DLC1: variants seen among roughly 807,000 people sequenced by gnomAD.
DLC1 encodes the protein DLC1 Rho GTPase activating protein, also known as rho GTPase-activating protein 7.
In DLC1, 54 loss-of-function variants were observed where a neutral mutation model predicts 140.3. That is an observed-to-expected ratio of 0.38 (90% confidence interval 0.31 to 0.48). DLC1 has a LOEUF of 0.48. Ranked by LOEUF, DLC1 falls within the 20% of genes least tolerant of loss-of-function variation. The probability of loss-of-function intolerance (pLI) is 0.96; values close to 1 mark genes in which losing one functional copy is unlikely to be tolerated. For synonymous variants in DLC1, 986 were observed against 728.1 expected, an observed-to-expected ratio of 1.35 and a Z score of -5.70; for missense variants, 2,536 against 1,907.0, an observed-to-expected ratio of 1.33 and a Z score of -6.14.
At position 13,552,757 on chromosome 8, in the gene DLC1, A is replaced by G. The variant is rs1202370679; in HGVS notation, c.-126+51780T>C. Among the ~76,000 whole-genome samples, 6 of 151,850 alleles carry G rather than the reference A, an allele frequency of 4.0e-5. No individual in the cohort carries two copies. In the East Asian group the frequency reaches 1.2e-3, roughly 29 times the overall value. On this transcript the variant is annotated intron_variant, in intron 1 of 1. Transcript: ENST00000631382. ...TTTAAATGCAAGAAAATGAGACTGAACTTTGTATTTTTTTATTTTTTGAAA... is the reference window on the plus strand; with the variant it reads ...TTTAAATGCAAGAAAATGAGACTGAGCTTTGTATTTTTTTATTTTTTGAAA...
intron 1 of DLC1, among the ~76,000 whole-genome samples, chr8:13,504,121 A>ATTTTT (rs370240794): frequency 0.057 from 7,180 of 126,236 alleles, 515 homozygotes; most frequent in East Asian, 0.33. Flanking sequence ...ATTTCAGAGA[A>ATTTTT]TTTTTTTTTT....
intron 1 of DLC1, chr8:13,567,336 A>T (rs1804480652): frequency 1.3e-6 from 2 of 1,551,766 alleles, no homozygotes; most frequent in Non-Finnish European, 1.7e-6. Context: ...CTCGGGTATC[A>T]GATGAAGAAT....
chr8:13,286,885 G>A (rs1386694645), intron 5 of DLC1, among the ~76,000 whole-genome samples: 1 of 152,136 alleles, frequency 6.6e-6, no homozygotes, highest in Non-Finnish European at 1.5e-5. Context: ...TGATGTGTTT[G>A]CATGACTTGA....
intron 2 of DLC1, among the ~76,000 whole-genome samples, chr8:13,434,420 G>C (rs1467054300): frequency 6.6e-6 from 1 of 152,086 alleles, no homozygotes; most frequent in Non-Finnish European, 1.5e-5. Flanking sequence ...GTTTATTAGT[G>C]TTTTCTTTGG....
At chr8:13,308,524 A>G (rs1312299980) in intron 4 of DLC1, among the ~76,000 whole-genome samples, 2 of 152,168 alleles carry the variant, frequency 1.3e-5, no homozygotes, top group Admixed American at 1.3e-4. Flanking sequence ...TTTTCCAGAG[A>G]TGAATGGCAT....
At chr8:13,147,672 AT>A (rs932023007) in intron 5 of DLC1, among the ~76,000 whole-genome samples, 69 of 149,208 alleles carry the variant, frequency 4.6e-4, no homozygotes, top group African/African-American at 1.4e-3. Flanking sequence ...TATTATTATT[AT>A]TTTTTTTTTG....
chr8:13,582,876 G>GTATATA (rs1306419249), intron 1 of DLC1, among the ~76,000 whole-genome samples: 14 of 41,994 alleles, frequency 3.3e-4, no homozygotes, highest in African/African-American at 9.1e-4. Context: ...ATATACTGTG[G>GTATATA]TCTATATATA....
At chr8:13,325,180 G>A (rs1833287484) in intron 4 of DLC1, among the ~76,000 whole-genome samples, 1 of 152,200 alleles carries the variant, frequency 6.6e-6, no homozygotes, top group African/African-American at 2.4e-5. Flanking sequence ...AGAAATCTCA[G>A]AAGTTGGTCA....
chr8:13,271,930 C>T (rs1830948756), intron 5 of DLC1, among the ~76,000 whole-genome samples: 1 of 152,184 alleles, frequency 6.6e-6, no homozygotes, highest in Admixed American at 6.5e-5. Context: ...TCCTGCTGGG[C>T]TTCCAAATTG....
At chr8:13,347,336 T>A (rs1834390605) in intron 4 of DLC1, among the ~76,000 whole-genome samples, 1 of 152,224 alleles carries the variant, frequency 6.6e-6, no homozygotes. Flanking sequence ...TAAAGTTTTA[T>A]CTACATTTCT....
At chr8:13,305,238 G>T (rs374586032) in intron 5 of DLC1, 31 bp downstream of exon 5, 5 of 1,605,178 alleles carry the variant, frequency 3.1e-6, no homozygotes, top group Non-Finnish European at 4.3e-6. Flanking sequence ...AAATAGATTG[G>T]CGAGAAAACA....
chr8:13,488,621 G>T (rs1301840746), intron 2 of DLC1, among the ~76,000 whole-genome samples: 1 of 152,138 alleles, frequency 6.6e-6, no homozygotes, highest in Admixed American at 6.5e-5. Context: ...GCTGAGCGAA[G>T]ACTTTTCTGA....
At chr8:13,335,997 CTATT>C (rs1467950929) in intron 4 of DLC1, among the ~76,000 whole-genome samples, 2 of 151,848 alleles carry the variant, frequency 1.3e-5, no homozygotes, top group Non-Finnish European at 2.9e-5. Context: ...TATGAAGGTA[CTATT>C]TATTATATAT....
chr8:13,230,576 A>ATTTTTTCTTTTTTC (rs1231439924), intron 5 of DLC1, among the ~76,000 whole-genome samples: 9 of 147,282 alleles, frequency 6.1e-5, no homozygotes, highest in Non-Finnish European at 1.5e-5. Flanking sequence ...ATAGATATAG[A>ATTTTTTCTTTTTTC]TTTTTTCTTT....
intron 5 of DLC1, among the ~76,000 whole-genome samples, chr8:13,148,887 G>A (rs912769675): frequency 6.6e-6 from 1 of 152,074 alleles, no homozygotes; most frequent in Non-Finnish European, 1.5e-5. Flanking sequence ...CCGCCTCCCA[G>A]GTTCACACCA....
chr8:13,527,332 T>A (rs1387273131), intron 1 of DLC1, among the ~76,000 whole-genome samples: 1 of 152,180 alleles, frequency 6.6e-6, no homozygotes, highest in Non-Finnish European at 1.5e-5. Context: ...TCAATATGAT[T>A]TTTCTCTTTT....
At chr8:13,583,691 G>C (rs1037164006) in intron 1 of DLC1, among the ~76,000 whole-genome samples, 1 of 152,134 alleles carries the variant, frequency 6.6e-6, no homozygotes, top group Non-Finnish European at 1.5e-5. Context: ...ATTCTTTAGC[G>C]AAATATCGAT....
chr8:13,088,395 T>A, intron 16 of DLC1, 92 bp downstream of exon 16: 1 of 1,430,782 alleles, frequency 7.0e-7, no homozygotes, highest in East Asian at 2.4e-5. Flanking sequence ...CTACTTTAAA[T>A]AATTATACCA....
intron 5 of DLC1, among the ~76,000 whole-genome samples, chr8:13,120,479 T>A (rs2128954732): frequency 6.6e-6 from 1 of 151,550 alleles, no homozygotes; most frequent in African/African-American, 2.4e-5. Flanking sequence ...GACACGTTTA[T>A]CTACCCCATG....
Sources: allele counts gnomAD v4.1 joint callset (sites outside exome capture counted in the v4.1 genomes callset), GRCh38; gene constraint gnomAD v4.1.1; transcripts MANE v1.5; gene names NCBI Gene and HGNC (gene_info 2026-07-23, HGNC 2026-07-21).